The following LAX1 variants were observed in gnomAD, a reference collection of about 807,000 sequenced individuals.
LAX1 encodes the protein lymphocyte transmembrane adaptor 1, also known as lymphocyte transmembrane adapter 1.
Under a neutral mutation model 20.7 loss-of-function variants are expected in LAX1, and 17 were observed. The ratio of observed to expected loss-of-function variants is 0.82; its 90% CI spans 0.56 to 1.23. LAX1 has a LOEUF of 1.23. LAX1 is among the 50% of genes most tolerant of loss of function. The probability of loss-of-function intolerance (pLI) is 0.00; values close to 1 mark genes in which losing one functional copy is unlikely to be tolerated. For missense variants in LAX1, 470 were observed against 487.0 expected, an observed-to-expected ratio of 0.97 and a Z score of 0.33; for synonymous variants, 165 against 181.0, an observed-to-expected ratio of 0.91 and a Z score of 0.71.
Position 203,774,361 on chromosome 1 carries a change from G to C in LAX1, c.877G>C (p.Asp293His). The C allele has an allele frequency of 1.9e-6, 3 of 1,614,202 alleles. No individual in the cohort carries two copies. The highest frequency in any genetic ancestry group is 2.5e-6 in the Non-Finnish European group (3 of 1,180,036). The change falls in exon 5 of 5, where the codon GAC (aspartate) becomes CAC (histidine). Residue 293 changes from aspartate to histidine, a missense_variant. Coordinates refer to ENST00000442561, the MANE Select transcript of LAX1 (RefSeq NM_017773.4). ...CTGGGTGGCTTTTCAGTGCTGCAGA[G>C]ACTATGAAAATGTTCCAGCAGCAGA... ...QLWVAFQCCRDYENVPAADPS... is the reference protein window; with the variant it reads ...QLWVAFQCCRHYENVPAADPS...
chr1:203,767,250 T>C (rs946993188), intron 1 of LAX1, among the ~76,000 whole-genome samples: 2 of 150,434 alleles, frequency 1.3e-5, no homozygotes, highest in Non-Finnish European at 2.9e-5. Context: ...TTGTACCCTT[T>C]GACCAACATC....
At position 203,774,689 on chromosome 1, in the gene LAX1, G is replaced by A; in HGVS notation, c.*8G>A. Reference sequence around the variant, plus strand: ...CTCCTTCCTGATGAATGAAGACCCAGGTACCCAGCCATAAAGCCACATTGA... The same window carrying A: ...CTCCTTCCTGATGAATGAAGACCCAAGTACCCAGCCATAAAGCCACATTGA... On this transcript the variant is annotated 3_prime_UTR_variant, in exon 5 of 5. Coordinates refer to ENST00000442561, the MANE Select transcript of LAX1 (RefSeq NM_017773.4). The A allele has an allele frequency of 1.9e-6, 3 of 1,610,616 alleles. No homozygotes were observed. The South Asian group carries it at 3.3e-5, about 18-fold the overall frequency.
chr1:203,768,687 G>A (rs969023708), intron 1 of LAX1, among the ~76,000 whole-genome samples: 2 of 152,344 alleles, frequency 1.3e-5, no homozygotes, highest in East Asian at 1.9e-4. Context: ...CGGGGAGAGT[G>A]ATGAGTAGAG....
rs1297952470 is a variant in LAX1, at chr1:203,775,686, A to C, written c.*1005A>C. On this transcript the variant is annotated 3_prime_UTR_variant, in exon 5 of 5. Coordinates refer to ENST00000442561, the MANE Select transcript of LAX1 (RefSeq NM_017773.4). ...AGAAATAACCCAGATATCCTTCAAC[A>C]GGTGATTGGATAAGCTGTTGATATC... The C allele has an allele frequency of 6.6e-6, 1 of 152,222 alleles. No homozygotes were observed. The highest frequency in any genetic ancestry group is 2.4e-5 in the African/African-American group (1 of 41,452). 9.4% of individuals were successfully genotyped at this position (152,222 alleles called of 1,614,324 possible). A position where few individuals can be genotyped will look rare whatever the true frequency, so the allele number is the denominator to read the frequency against.
intron 1 of LAX1, among the ~76,000 whole-genome samples, chr1:203,766,943 C>G (rs998951223): frequency 6.6e-6 from 1 of 152,038 alleles, no homozygotes; most frequent in African/African-American, 2.4e-5. Context: ...GCAGCCTCCA[C>G]CTCCCAGGTT....
At chr1:203,770,596 C>T (rs958937071) in intron 1 of LAX1, among the ~76,000 whole-genome samples, 1 of 150,892 alleles carries the variant, frequency 6.6e-6, no homozygotes, top group Admixed American at 6.6e-5. Context: ...CATGTGAATC[C>T]CTGGCACCCG....
At chr1:203,767,824 G>C (rs1667329481) in intron 1 of LAX1, among the ~76,000 whole-genome samples, 1 of 152,174 alleles carries the variant, frequency 6.6e-6, no homozygotes, top group Admixed American at 6.5e-5. Context: ...AGACAAGTGG[G>C]AGAGTCAAAT....
Position 203,765,291 on chromosome 1 carries a change from C to A in LAX1, c.-275C>A. The A allele has an allele frequency of 1.3e-6, 2 of 1,500,986 alleles. No individual in the cohort carries two copies. The highest frequency in any genetic ancestry group is 1.8e-6 in the Non-Finnish European group (2 of 1,101,176). The allele number at this position is 1,500,986 out of a possible 1,614,324, so 93.0% of individuals were successfully genotyped here. On this transcript the variant is annotated 5_prime_UTR_variant, in exon 1 of 5. Coordinates refer to ENST00000442561, the MANE Select transcript of LAX1 (RefSeq NM_017773.4). ...CACGTTTCCACCAGAAACGTGAAGGCAGAGGCCACAGATTCTCCCTGAGCC... is the reference window on the plus strand; with the variant it reads ...CACGTTTCCACCAGAAACGTGAAGGAAGAGGCCACAGATTCTCCCTGAGCC...
At chr1:203,771,865 T>A (rs1667427978) in intron 3 of LAX1, among the ~76,000 whole-genome samples, 1 of 152,082 alleles carries the variant, frequency 6.6e-6, no homozygotes, top group Admixed American at 6.6e-5. Context: ...GATAGCATCC[T>A]CCAGTGCCAC....
rs767611921 is a variant in LAX1 at position 203,770,454 on chromosome 1, AAAGGAAGGAAGGAAGGAAGG to A, written c.90-334_90-315del. 4.6e-4 allele frequency among the ~76,000 whole-genome samples: 10 copies of A among 21,958 alleles called. 1 individual carries two copies. Among genetic ancestry groups the A allele is most frequent in the Admixed American group, 2.5e-3 (3 of 1,180 alleles). 14.4% of individuals were successfully genotyped at this position (21,958 alleles called of 152,430 possible). A position where few individuals can be genotyped will look rare whatever the true frequency, so the allele number is the denominator to read the frequency against. The stretch of plus-strand genomic sequence containing the variant: ...AAGAAAGAGAGAGAGAGAGAGAGAG[AAAGGAAGGAAGGAAGGAAGG>A]AAGGAAGGAAGGAAGGAAGGAAGGA... On this transcript the variant is annotated intron_variant, in intron 1 of 4. Coordinates refer to ENST00000442561, the MANE Select transcript of LAX1 (RefSeq NM_017773.4).
At position 203,775,498 on chromosome 1, in the gene LAX1, G is replaced by A. The variant is rs1363123711; in HGVS notation, c.*817G>A. ...GCTGATGGGATTGCAAAGCGTCAGGGCAGCTTTGAAAAACTTTTCAGCAGT... is the reference window on the plus strand; with the variant it reads ...GCTGATGGGATTGCAAAGCGTCAGGACAGCTTTGAAAAACTTTTCAGCAGT... On this transcript the variant is annotated 3_prime_UTR_variant, in exon 5 of 5. Transcript: ENST00000442561. 1 of 152,182 alleles carries A rather than the reference G, an allele frequency of 6.6e-6. No homozygotes were observed. Among genetic ancestry groups the A allele is most frequent in the Non-Finnish European group, 1.5e-5 (1 of 68,038 alleles). The allele number at this position is 152,182 out of a possible 1,614,324, so 9.4% of individuals were successfully genotyped here. A position where few individuals can be genotyped will look rare whatever the true frequency, so the allele number is the denominator to read the frequency against.
At chr1:203,770,802 C>A in intron 1 of LAX1, 26 bp from the exon 2 acceptor site, 1 of 1,561,618 alleles carries the variant, frequency 6.4e-7, no homozygotes, top group Non-Finnish European at 8.8e-7. Context: ...CTACAGCTAG[C>A]ACATGTCATT....
rs1032038521 is a variant in LAX1, at chr1:203,775,324, G to A, written c.*643G>A. ...CAGGAGAATCGCTTGAACCCGGGAG[G>A]TGGAGGTTGCAGCAAGCCGAGATTG... On this transcript the variant is annotated 3_prime_UTR_variant, in exon 5 of 5. Transcript: ENST00000442561. The A allele has an allele frequency of 1.3e-5, 2 of 152,176 alleles. No homozygotes were observed. Among genetic ancestry groups the A allele is most frequent in the African/African-American group, 4.8e-5 (2 of 41,366 alleles). The allele number at this position is 152,176 out of a possible 1,614,324, so 9.4% of individuals were successfully genotyped here.
In LAX1 at chr1:203,772,789, C is replaced by T. The variant is rs1157574482; in HGVS notation, c.390+642C>T. Among the ~76,000 whole-genome samples, 3 of 151,416 alleles carry T rather than the reference C, an allele frequency of 2.0e-5. No individual in the cohort carries two copies. In the East Asian group the frequency reaches 5.8e-4, roughly 29 times the overall value. ...TTCCTGGGCTCAAGCAATCCTCCCACCTCATCCCCCCAAGTAGCTGGGACC... is the reference window on the plus strand; with the variant it reads ...TTCCTGGGCTCAAGCAATCCTCCCATCTCATCCCCCCAAGTAGCTGGGACC... On this transcript the variant is annotated intron_variant, in intron 4 of 4. Coordinates refer to ENST00000442561, the MANE Select transcript of LAX1 (RefSeq NM_017773.4).
At position 203,774,162 on chromosome 1, in the gene LAX1, G is replaced by A. The variant is rs201533234; in HGVS notation, c.678G>A (p.Glu226=). The change falls in exon 5 of 5, where the codon GAG becomes GAA. Residue 226 remains glutamate, a synonymous_variant. Transcript: ENST00000442561. ...LFVLPSTQKL[E]FTEERDEGCG... is the part of the protein sequence containing the mutation. ...TTCTTCCCAGTACCCAGAAGCTGGA[G>A]TTTACTGAGGAAAGAGATGAGGGCT... 1 of 1,614,238 alleles carries A rather than the reference G, an allele frequency of 6.2e-7. No individual in the cohort carries two copies. The highest frequency in any genetic ancestry group is 8.5e-7 in the Non-Finnish European group (1 of 1,180,048).
chr1:203,765,510 G>T lies in LAX1; in HGVS notation c.-56G>T. On this transcript the variant is annotated 5_prime_UTR_variant, in exon 1 of 5. It removes an upstream start codon present in the reference 5' UTR. Coordinates refer to ENST00000442561, the MANE Select transcript of LAX1 (RefSeq NM_017773.4). ...GTAGACATGCTGGCTAACTGATTAT[G>T]ATTAAGAGAAACTTAGAAGCTGAAG... 1.9e-6 allele frequency: 3 copies of T among 1,609,288 alleles called. No homozygotes were observed. The highest frequency in any genetic ancestry group is 1.7e-4 in the Middle Eastern group (1 of 6,054).
chr1:203,770,529 G>T, intron 1 of LAX1, among the ~76,000 whole-genome samples: 1 of 136,202 alleles, frequency 7.3e-6, no homozygotes, highest in Non-Finnish European at 1.5e-5. Context: ...AAGAAAGAAA[G>T]AAAGAAAGAA....
At chr1:203,773,581 C>A (rs2102269938) in intron 4 of LAX1, among the ~76,000 whole-genome samples, 1 of 151,320 alleles carries the variant, frequency 6.6e-6, no homozygotes, top group East Asian at 1.9e-4. Flanking sequence ...AGTGGTGAGG[C>A]TAGGATTTGT....
intron 1 of LAX1, chr1:203,769,789 G>GGGA (rs1667373780): frequency 7.4e-6 from 1 of 135,348 alleles, no homozygotes; most frequent in Non-Finnish European, 1.6e-5. Context: ...GGGGGGCGGC[G>GGGA]GGGGGTGGGG....
Sources: gnomAD v4.1 joint callset for allele counts (sites outside exome capture counted in the v4.1 genomes callset) on GRCh38, gnomAD v4.1.1 for gene constraint, MANE v1.5 for transcripts, NCBI Gene and HGNC (gene_info 2026-07-23, HGNC 2026-07-21) for gene names.